Variants in TTC39B observed in about 807,000 individuals in gnomAD.
TTC39B encodes tetratricopeptide repeat protein 39B.
TTC39B carries 92 observed loss-of-function variants against 96.6 expected under a neutral mutation model. That is an observed-to-expected ratio of 0.95 (90% CI 0.80 to 1.13). The LOEUF is 1.13. Among genes scored for constraint, TTC39B ranks in the 50% most tolerant of loss-of-function variants. The probability of loss-of-function intolerance (pLI) is 0.00; values close to 1 mark genes in which losing one functional copy is unlikely to be tolerated. For synonymous variants in TTC39B, 367 were observed against 299.4 expected (o/e 1.23, Z -2.33); for missense variants, 955 against 809.3 (o/e 1.18, Z -2.18).
exon 20 of TTC39B, chr9:15,167,148 C>G (rs1315418330): frequency 1.5e-5 from 2 of 134,412 alleles, no homozygotes; most frequent in Non-Finnish European, 3.1e-5. Context: ...GCAATTATCC[C>G]ACCTAAGTCT....
intron 1 of TTC39B, among the ~76,000 whole-genome samples, chr9:15,301,581 C>T (rs567978681): frequency 6.6e-6 from 1 of 152,004 alleles, no homozygotes; most frequent in East Asian, 1.9e-4. Flanking sequence ...ATGGAGAAAC[C>T]CCGTCTCTAT....
chr9:15,305,808 G>A (rs990355076), intron 1 of TTC39B, among the ~76,000 whole-genome samples: 1 of 151,170 alleles, frequency 6.6e-6, no homozygotes, highest in Non-Finnish European at 1.5e-5. Context: ...TAATAGCACC[G>A]CCTCAACAAT....
chr9:15,192,686 A>C, exon 9 of TTC39B: 1 of 1,613,566 alleles, frequency 6.2e-7, no homozygotes, highest in Non-Finnish European at 8.5e-7. Context: ...GCAGGATAGA[A>C]AGACATTCTC....
chr9:15,225,947 G>C (rs766350149), exon 3 of TTC39B: 2 of 1,613,820 alleles, frequency 1.2e-6, no homozygotes, highest in African/African-American at 2.7e-5. Context: ...GCGCTGTCTG[G>C]GCGCCTGTTG....
chr9:15,267,333 C>A (rs1823172355), intron 2 of TTC39B, among the ~76,000 whole-genome samples: 1 of 152,230 alleles, frequency 6.6e-6, no homozygotes. Flanking sequence ...ATACAAAGAA[C>A]AATAAACATA....
At chr9:15,295,818 A>AC (rs1443260843) in intron 1 of TTC39B, among the ~76,000 whole-genome samples, 3 of 152,098 alleles carry the variant, frequency 2.0e-5, no homozygotes, top group Non-Finnish European at 4.4e-5. Flanking sequence ...TCTCTCAGAA[A>AC]CTCAGTGCTG....
At chr9:15,289,834 A>G (rs935280062) in intron 1 of TTC39B, among the ~76,000 whole-genome samples, 4 of 152,230 alleles carry the variant, frequency 2.6e-5, no homozygotes, top group African/African-American at 9.7e-5. Flanking sequence ...ATAGAAAATC[A>G]GGAAAAGTCA....
chr9:15,280,712 T>C (rs1418162365), intron 1 of TTC39B, among the ~76,000 whole-genome samples: 2 of 152,158 alleles, frequency 1.3e-5, no homozygotes, highest in Non-Finnish European at 2.9e-5. Flanking sequence ...GCAGGGGAGT[T>C]TGCTAGAAGA....
intron 17 of TTC39B, among the ~76,000 whole-genome samples, chr9:15,181,125 G>A (rs1394042761): frequency 1.3e-5 from 2 of 152,164 alleles, no homozygotes; most frequent in Non-Finnish European, 2.9e-5. Context: ...AACCAATGGG[G>A]GGCTGGGGGT....
rs548756512 is a variant in TTC39B, at chr9:15,182,582, G to C, written c.1615-167C>G. Among the ~76,000 whole-genome samples the C allele has an allele frequency of 1.6e-4, 24 of 152,206 alleles. No homozygotes were observed. The South Asian group carries it at 5.0e-3, about 32-fold the overall frequency. ...GCCTTTTATACTGTGAAGCAATTCA[G>C]TATATATATTTTTACCAAAAATTTA... On this transcript the variant is annotated intron_variant, in intron 16 of 19. Transcript: ENST00000512701.
chr9:15,224,674 G>C (rs562547800), intron 3 of TTC39B, among the ~76,000 whole-genome samples: 8 of 152,282 alleles, frequency 5.3e-5, no homozygotes, highest in South Asian at 4.2e-4. Context: ...CATTATAAAT[G>C]TTGATACAGT....
intron 2 of TTC39B, among the ~76,000 whole-genome samples, chr9:15,244,523 G>A (rs976097155): frequency 5.9e-5 from 9 of 152,214 alleles, no homozygotes; most frequent in Non-Finnish European, 1.2e-4. Flanking sequence ...TTGTAAAATC[G>A]CTTTTTAAAC....
chr9:15,263,886 C>T (rs967666607), intron 2 of TTC39B, among the ~76,000 whole-genome samples: 1 of 152,114 alleles, frequency 6.6e-6, no homozygotes, highest in Non-Finnish European at 1.5e-5. Context: ...AACGTTTAAG[C>T]GACAGTCTAA....
At chr9:15,210,300 T>C (rs1820121500) in intron 5 of TTC39B, 136 bp from the exon 6 acceptor site, 2 of 609,318 alleles carry the variant, frequency 3.3e-6, no homozygotes, top group Admixed American at 3.3e-5. Context: ...CTGAAGTCTA[T>C]AGGACACAGA....
intron 2 of TTC39B, among the ~76,000 whole-genome samples, chr9:15,260,559 A>G (rs1478942282): frequency 6.6e-6 from 1 of 152,080 alleles, no homozygotes; most frequent in Admixed American, 6.6e-5. Context: ...TCATTCACCG[A>G]TATTCACCCT....
intron 1 of TTC39B, among the ~76,000 whole-genome samples, chr9:15,274,867 C>T (rs1046726105): frequency 1.3e-5 from 2 of 151,804 alleles, no homozygotes; most frequent in Non-Finnish European, 2.9e-5. Context: ...ATAATAACAG[C>T]AAAACAACAG....
chr9:15,233,027 G>C (rs548020488), intron 2 of TTC39B, among the ~76,000 whole-genome samples: 1 of 152,154 alleles, frequency 6.6e-6, no homozygotes, highest in South Asian at 2.1e-4. Flanking sequence ...TTTGTGGATA[G>C]GGAAAGAGGA....
chr9:15,269,020 G>A (rs1306951516), intron 1 of TTC39B, among the ~76,000 whole-genome samples: 1 of 152,004 alleles, frequency 6.6e-6, no homozygotes, highest in African/African-American at 2.4e-5. Context: ...CCGTTCCTTG[G>A]ACAAGTCAAA....
chr9:15,239,730 G>GA (rs1821954231), intron 2 of TTC39B, among the ~76,000 whole-genome samples: 1 of 152,148 alleles, frequency 6.6e-6, no homozygotes, highest in Non-Finnish European at 1.5e-5. Flanking sequence ...AATAAAGATG[G>GA]AAATAACAGA....
Sources: allele counts gnomAD v4.1 joint callset (sites outside exome capture counted in the v4.1 genomes callset), GRCh38; gene constraint gnomAD v4.1.1; transcripts MANE v1.5; gene names NCBI Gene and HGNC (gene_info 2026-07-23, HGNC 2026-07-21).